Variants in GET4 observed in about 807,000 individuals in gnomAD.
The protein encoded by GET4 is Golgi to ER traffic protein 4 homolog.
In GET4, 20 loss-of-function variants were observed where a neutral mutation model predicts 40.0. The observed-to-expected ratio is 0.50, with a 90% CI of 0.35 to 0.73. The LOEUF (loss-of-function observed/expected upper bound fraction) is 0.73. GET4 is among the 30% of genes least tolerant of loss of function. The pLI is 0.01. For missense variants in GET4, 557 were observed against 454.0 expected, an observed-to-expected ratio of 1.23 and a Z score of -2.06; for synonymous variants, 280 against 194.6, an observed-to-expected ratio of 1.44 and a Z score of -3.65.
At chr7:886,497 C>T (rs1367956905) in intron 2 of GET4, 72 bp from the exon 3 acceptor site, 7 of 1,152,786 alleles carry the variant, frequency 6.1e-6, no homozygotes, top group South Asian at 1.2e-5. Context: ...GCTGGAAACC[C>T]AGCCTTGTCT....
chr7:878,051 C>T (rs549977474), intron 1 of GET4: 7 of 303,134 alleles, frequency 2.3e-5, no homozygotes, highest in South Asian at 1.3e-4. Context: ...ACCGAGGGTC[C>T]AGGCTGAGGG....
At chr7:880,849 A>C (rs886361083) in intron 1 of GET4, 1 of 152,150 alleles carries the variant, frequency 6.6e-6, no homozygotes, top group Non-Finnish European at 1.5e-5. Context: ...CCGCCAGAGA[A>C]GTCACATTCC....
rs762630690 is a variant in GET4, at chr7:895,469, G to C, written c.*47G>C. 2 of 1,022,224 alleles carry C rather than the reference G, an allele frequency of 2.0e-6. No homozygotes were observed. Among genetic ancestry groups the C allele is most frequent in the South Asian group, 1.3e-5 (1 of 74,486 alleles). The allele number at this position is 1,022,224 out of a possible 1,614,324, so 63.3% of individuals were successfully genotyped here. A position where few individuals can be genotyped will look rare whatever the true frequency, so the allele number is the denominator to read the frequency against. ...CACCACGGTCGACGACGGCTGGAGG[G>C]ACGTTTCAGAGGCGAGTCCTGGGTG... On this transcript the variant is annotated 3_prime_UTR_variant, in exon 9 of 9. Coordinates refer to ENST00000265857, the MANE Select transcript of GET4 (RefSeq NM_015949.3).
intron 6 of GET4, among the ~76,000 whole-genome samples, chr7:893,231 C>T (rs1197575004): frequency 2.9e-5 from 3 of 102,118 alleles, no homozygotes; most frequent in Non-Finnish European, 3.8e-5. Context: ...TGGGCGTGGG[C>T]GTGGTGGTGT....
In GET4 at chr7:890,971, G is replaced by A. The variant is rs11543223; in HGVS notation, c.510G>A (p.Ala170=). 111,816 of 1,607,564 alleles carry A rather than the reference G, an allele frequency of 0.07. 4,478 individuals are homozygous for A. The highest frequency in any genetic ancestry group is 0.13 in the African/African-American group (9,776 of 74,850). The change falls in exon 5 of 9, where the codon GCG becomes GCA. Residue 170 remains alanine (A), a synonymous_variant. Transcript: ENST00000265857. The stretch of plus-strand genomic sequence containing the variant: ...CGAGGTATCATTTTCTGCACTCAGC[G>A]GACGGGGAGGGCTGTGCCAACATGC... ...CESRYHFLHS[A]DGEGCANMLV... is the part of the protein sequence containing the mutation.
At chr7:885,816 C>A (rs894908430) in intron 1 of GET4, 1 of 526,608 alleles carries the variant, frequency 1.9e-6, no homozygotes, top group Non-Finnish European at 3.4e-6. Flanking sequence ...CTTTCTGGCT[C>A]CTGGTGTATT....
Position 886,154 on chromosome 7 carries a change from C to A in GET4, c.234+20C>A. 1.3e-6 allele frequency: 2 copies of A among 1,512,128 alleles called. No homozygotes were observed. The highest frequency in any genetic ancestry group is 9.2e-7 in the Non-Finnish European group (1 of 1,087,758). 93.7% of individuals were successfully genotyped at this position (1,512,128 alleles called of 1,614,324 possible). ...GGCCAGGTAAGCCGTCTTGCTTCCT[C>A]CTGCATCCCTTTCTGCTCCGGGCAG... On this transcript the variant is annotated intron_variant, in intron 2 of 8. Coordinates refer to ENST00000265857, the MANE Select transcript of GET4 (RefSeq NM_015949.3).
intron 1 of GET4, chr7:884,677 T>TC (rs1388462290): frequency 5.5e-6 from 1 of 182,154 alleles, no homozygotes; most frequent in African/African-American, 2.4e-5. Context: ...TAACTGAGCA[T>TC]CCAACCCTTT....
At chr7:885,194 T>C (rs1208160607) in intron 1 of GET4, 2 of 152,278 alleles carry the variant, frequency 1.3e-5, no homozygotes, top group Admixed American at 6.5e-5. Context: ...TATGTATCTT[T>C]TGATAATAAG....
chr7:877,950 C>A (rs1375639756), intron 1 of GET4: 1 of 155,870 alleles, frequency 6.4e-6, no homozygotes, highest in Non-Finnish European at 1.3e-5. Flanking sequence ...GTTCCGCATT[C>A]CCCCACCTCC....
At chr7:878,921 ATG>A (rs776173481) in intron 1 of GET4, among the ~76,000 whole-genome samples, 34 of 152,096 alleles carry the variant, frequency 2.2e-4, no homozygotes, top group Non-Finnish European at 4.4e-4. Flanking sequence ...TTATAGCAAA[ATG>A]GAGTGTGGTG....
intron 1 of GET4, chr7:884,479 C>CG: frequency 1.4e-6 from 1 of 694,380 alleles, no homozygotes; most frequent in South Asian, 1.8e-5. Flanking sequence ...GACGGGGGTG[C>CG]GGGGGCACTT....
At chr7:876,870 G>A in intron 1 of GET4, 70 bp downstream of exon 1, 3 of 870,688 alleles carry the variant, frequency 3.4e-6, no homozygotes, top group South Asian at 5.3e-5. Context: ...GCGCCGCCTC[G>A]CCCCGCGCCC....
intron 5 of GET4, 64 bp downstream of exon 5, chr7:891,130 C>T: frequency 7.3e-7 from 1 of 1,361,088 alleles, no homozygotes; most frequent in Non-Finnish European, 1.0e-6. Context: ...AGCCTTAGAA[C>T]AGGTCCCCTT....
At chr7:884,480 G>A (rs747454593) in intron 1 of GET4, 4 of 687,194 alleles carry the variant, frequency 5.8e-6, no homozygotes, top group Non-Finnish European at 6.4e-6. Context: ...ACGGGGGTGC[G>A]GGGGCACTTT....
intron 1 of GET4, among the ~76,000 whole-genome samples, chr7:879,269 T>A (rs888377442): frequency 4.6e-5 from 7 of 152,226 alleles, no homozygotes; most frequent in African/African-American, 1.7e-4. Flanking sequence ...GTAGCCTGGG[T>A]AAGCGAGTGG....
chr7:895,153 G>A (rs1042279848), intron 8 of GET4, among the ~76,000 whole-genome samples, 181 bp from the exon 9 acceptor site: 9 of 151,986 alleles, frequency 5.9e-5, no homozygotes, highest in Non-Finnish European at 8.8e-5. Flanking sequence ...TGTGGTCGTC[G>A]GCTCCCTGGC....
intron 6 of GET4, 29 bp downstream of exon 6, chr7:892,447 G>A (rs1474271546): frequency 1.3e-6 from 2 of 1,581,016 alleles, no homozygotes; most frequent in Admixed American, 1.7e-5. Flanking sequence ...CAGGGGGAGG[G>A]GGCTGTGAAT....
rs202178860 is a variant in GET4, at chr7:886,664, C to T, written c.316+14C>T. 18 of 1,586,310 alleles carry T rather than the reference C, an allele frequency of 1.1e-5. No homozygotes were observed. The East Asian group carries it at 3.6e-4, about 32-fold the overall frequency. ...ACGAGCTGCTGGGTGAGCATCCGGCCCTTCACCCCGGGACCCTGTGACAGC... is the reference window on the plus strand; with the variant it reads ...ACGAGCTGCTGGGTGAGCATCCGGCTCTTCACCCCGGGACCCTGTGACAGC... On this transcript the variant is annotated intron_variant, in intron 3 of 8. Transcript: ENST00000265857.
Sources: gnomAD v4.1 joint callset for allele counts (sites outside exome capture counted in the v4.1 genomes callset) on GRCh38, gnomAD v4.1.1 for gene constraint, MANE v1.5 for transcripts, NCBI Gene and HGNC (gene_info 2026-07-23, HGNC 2026-07-21) for gene names.